Variants in DIAPH1 observed in about 807,000 individuals in gnomAD.
DIAPH1 encodes diaphanous related formin 1, also known as protein diaphanous homolog 1.
Under a neutral mutation model 140.7 loss-of-function variants are expected in DIAPH1, and 46 were observed. That is an observed-to-expected ratio of 0.33 (90% CI 0.26 to 0.42). The LOEUF (loss-of-function observed/expected upper bound fraction) is 0.42, where lower values mean the gene tolerates loss of function less well. Ranked by LOEUF, DIAPH1 falls within the 10% of genes least tolerant of loss-of-function variation. The pLI, the probability that DIAPH1 is intolerant of heterozygous loss-of-function variation, is 1.00. For synonymous variants in DIAPH1, 565 were observed against 551.6 expected, an observed-to-expected ratio of 1.02 and a Z score of -0.34; for missense variants, 1,310 against 1,558.7, an observed-to-expected ratio of 0.84 and a Z score of 2.69.
intron 18 of DIAPH1, chr5:141,560,914 G>C (rs1182806218): frequency 2.2e-6 from 1 of 455,616 alleles, no homozygotes; most frequent in South Asian, 1.6e-5. Flanking sequence ...TGAGGTGGAA[G>C]CCAGGAAAGG....
At chr5:141,595,481 C>T (rs534925166) in intron 1 of DIAPH1, among the ~76,000 whole-genome samples, 1 of 152,224 alleles carries the variant, frequency 6.6e-6, no homozygotes, top group Admixed American at 6.5e-5. Flanking sequence ...ATGTCAAGGG[C>T]GGGACCAGGT....
chr5:141,555,292 G>A (rs143728242), intron 18 of DIAPH1, among the ~76,000 whole-genome samples: 6 of 152,314 alleles, frequency 3.9e-5, no homozygotes, highest in African/African-American at 1.2e-4. Context: ...TGTGAGAAAG[G>A]TAAGACAGAT....
At chr5:141,580,919 G>A (rs747017461) in intron 7 of DIAPH1, 36 bp from the exon 8 acceptor site, 144 of 1,613,922 alleles carry the variant, frequency 8.9e-5, no homozygotes, top group Non-Finnish European at 1.2e-4. Flanking sequence ...GAGGCTGAAA[G>A]ACGAAAGCAT....
intron 1 of DIAPH1, among the ~76,000 whole-genome samples, chr5:141,605,585 C>T (rs2099900798): frequency 1.3e-5 from 2 of 152,106 alleles, no homozygotes; most frequent in African/African-American, 2.4e-5. Flanking sequence ...TTAGGTATGA[C>T]AATGCAATGT....
At chr5:141,582,232 G>GT in intron 7 of DIAPH1, 80 bp downstream of exon 7, 1 of 1,025,614 alleles carries the variant, frequency 9.8e-7, no homozygotes, top group South Asian at 1.3e-5. Flanking sequence ...CATATTCCTA[G>GT]TTCCTCTTTT....
intron 18 of DIAPH1, among the ~76,000 whole-genome samples, chr5:141,549,566 A>G (rs1174391591): frequency 1.3e-5 from 2 of 152,136 alleles, no homozygotes; most frequent in African/African-American, 4.8e-5. Flanking sequence ...CAATGTACCC[A>G]ATAATACTAA....
intron 14 of DIAPH1, among the ~76,000 whole-genome samples, chr5:141,575,663 TAAA>T (rs2099895860): frequency 2.0e-5 from 3 of 150,626 alleles, no homozygotes; most frequent in Admixed American, 2.0e-4. Context: ...AAAAAACAAA[TAAA>T]AATAAAAATG....
chr5:141,559,793 C>A (rs1317664618), intron 18 of DIAPH1, among the ~76,000 whole-genome samples: 1 of 151,896 alleles, frequency 6.6e-6, no homozygotes, highest in Non-Finnish European at 1.5e-5. Flanking sequence ...CAGGTTTATG[C>A]AAGGAAACAA....
At chr5:141,562,620 C>CA (rs1353631853) in intron 18 of DIAPH1, among the ~76,000 whole-genome samples, 23,670 of 130,624 alleles carry the variant, frequency 0.18, 2,033 homozygotes, top group South Asian at 0.22. Flanking sequence ...AAAAAAAAAA[C>CA]AAACAAAAAA....
intron 1 of DIAPH1, among the ~76,000 whole-genome samples, chr5:141,589,941 G>T (rs1318821962): frequency 1.3e-5 from 2 of 151,574 alleles, no homozygotes; most frequent in Non-Finnish European, 2.9e-5. Context: ...TAAAGAGACG[G>T]GGTCTCCCTG....
At chr5:141,577,441 A>T in intron 12 of DIAPH1, 34 bp downstream of exon 12, 1 of 1,448,300 alleles carries the variant, frequency 6.9e-7, no homozygotes. Flanking sequence ...ACTTAGGCTC[A>T]AATTCAAAAC....
intron 1 of DIAPH1, among the ~76,000 whole-genome samples, chr5:141,590,766 A>C (rs2099898271): frequency 6.6e-6 from 1 of 151,018 alleles, no homozygotes; most frequent in African/African-American, 2.4e-5. Flanking sequence ...GGTGGGGGGT[A>C]ACCAGCAACC....
chr5:141,578,557 G>C lies in DIAPH1; in HGVS notation c.1002C>G (p.Ile334Met), dbSNP rs748386464. Residue 334 changes from isoleucine (I) to methionine (M), a missense_variant, in exon 10 of 28, where the codon ATC (isoleucine) becomes ATG (methionine). Ile to Met is a conservative substitution (Grantham distance 10). Around this residue, in one of 3 missense-constraint regions of DIAPH1, gnomAD observed 377 missense variants for 497.1 expected, o/e 0.76. Coordinates refer to ENST00000389054, the MANE Select transcript of DIAPH1 (RefSeq NM_005219.5). ...GCCCCAAACGCATCAGTTCACTTCTGATGTGAACTCGGAAGTCAAGTTCCT... is the reference window on the plus strand; with the variant it reads ...GCCCCAAACGCATCAGTTCACTTCTCATGTGAACTCGGAAGTCAAGTTCCT... ...PAEELDFRVHIRSELMRLGLH... is the reference protein window; with the variant it reads ...PAEELDFRVHMRSELMRLGLH... 1 of 1,614,010 alleles carries C rather than the reference G, an allele frequency of 6.2e-7. No individual in the cohort carries two copies. The highest frequency in any genetic ancestry group is 8.5e-7 in the Non-Finnish European group (1 of 1,180,026).
At chr5:141,524,533 C>T (rs2099887017) in intron 26 of DIAPH1, 1 of 440,344 alleles carries the variant, frequency 2.3e-6, no homozygotes, top group Non-Finnish European at 4.2e-6. Context: ...TACAACTGCC[C>T]AACTCCAAGA....
chr5:141,597,915 GA>G (rs1476390280), intron 1 of DIAPH1, among the ~76,000 whole-genome samples: 1 of 152,238 alleles, frequency 6.6e-6, no homozygotes, highest in Admixed American at 6.5e-5. Context: ...GGTAAGCTCA[GA>G]AGCAGAAAAT....
intron 1 of DIAPH1, among the ~76,000 whole-genome samples, chr5:141,604,486 C>G (rs2099900633): frequency 6.6e-6 from 1 of 152,120 alleles, no homozygotes; most frequent in Non-Finnish European, 1.5e-5. Flanking sequence ...TGCTGTTTCC[C>G]AATCGCCGTA....
chr5:141,572,325 G>A (rs1000220468), intron 16 of DIAPH1, among the ~76,000 whole-genome samples: 2 of 152,154 alleles, frequency 1.3e-5, no homozygotes, highest in African/African-American at 4.8e-5. Flanking sequence ...CTTTATTTCA[G>A]AGAAGTCTTG....
chr5:141,561,458 G>A (rs2099893522), intron 18 of DIAPH1, among the ~76,000 whole-genome samples: 1 of 151,448 alleles, frequency 6.6e-6, no homozygotes, highest in Admixed American at 6.6e-5. Flanking sequence ...AGAACTGAAT[G>A]CTAGTACTTG....
chr5:141,583,554 C>G lies in DIAPH1; in HGVS notation c.464G>C (p.Gly155Ala). 1 of 1,614,206 alleles carries G rather than the reference C, an allele frequency of 6.2e-7. No individual in the cohort carries two copies. Among genetic ancestry groups the G allele is most frequent in the Non-Finnish European group, 8.5e-7 (1 of 1,180,036 alleles). Reference protein sequence around the residue: ...AMMYIQELRSGLRDMPLLSCL... With the variant: ...AMMYIQELRSALRDMPLLSCL... Reference sequence around the variant, plus strand: ...GCTGAGCAGAGGCATATCCCGCAAGCCTGACCTCAACTCCTGAATATACAT... The same window carrying G: ...GCTGAGCAGAGGCATATCCCGCAAGGCTGACCTCAACTCCTGAATATACAT... Residue 155 changes from glycine to alanine, a missense_variant, in exon 5 of 28, where the codon GGC (glycine) becomes GCC (alanine). By Grantham distance (60) the Gly-to-Ala change is moderately conservative. This residue lies in a region of DIAPH1 where 377 missense variants were observed against 497.1 expected (regional missense o/e 0.76). Transcript: ENST00000389054.
Sources: gnomAD v4.1 joint callset for allele counts (sites outside exome capture counted in the v4.1 genomes callset) on GRCh38, gnomAD v4.1.1 for gene constraint, gnomAD v4.1.1 regional missense constraint, MANE v1.5 for transcripts, NCBI Gene and HGNC (gene_info 2026-07-23, HGNC 2026-07-21) for gene names.